PTPN14: variants seen among roughly 807,000 people sequenced by gnomAD.
PTPN14 encodes protein tyrosine phosphatase non-receptor type 14, also known as tyrosine-protein phosphatase non-receptor type 14.
PTPN14 carries 53 observed loss-of-function variants against 126.8 expected under a neutral mutation model. The ratio of observed to expected loss-of-function variants is 0.42; its 90% CI spans 0.34 to 0.53. The LOEUF is 0.53. Among genes scored for constraint, PTPN14 ranks in the 20% least tolerant of loss-of-function variants. The pLI is 0.08. For synonymous variants in PTPN14, 630 were observed against 599.3 expected (o/e 1.05, Z -0.75); for missense variants, 1,257 against 1,552.9 (o/e 0.81, Z 3.20).
At chr1:214,480,175 T>C (rs991915639) in intron 1 of PTPN14, among the ~76,000 whole-genome samples, 1 of 152,236 alleles carries the variant, frequency 6.6e-6, no homozygotes, top group Non-Finnish European at 1.5e-5. Flanking sequence ...TTCAAGACTG[T>C]TATTGAGTCA....
At chr1:214,421,603 G>A (rs1030884667) in intron 3 of PTPN14, among the ~76,000 whole-genome samples, 1 of 152,016 alleles carries the variant, frequency 6.6e-6, no homozygotes, top group Admixed American at 6.5e-5. Context: ...AAAAAAATCA[G>A]AACAAAACAC....
intron 3 of PTPN14, among the ~76,000 whole-genome samples, chr1:214,437,010 ATTT>A (rs10582793): frequency 1.8e-3 from 264 of 147,560 alleles, no homozygotes; most frequent in Middle Eastern, 7.0e-3. Flanking sequence ...GCCTCTCTGT[ATTT>A]TTTTTTTTTT....
chr1:214,376,180 C>T (rs374394718), intron 15 of PTPN14, 39 bp downstream of exon 15: 1 of 1,573,548 alleles, frequency 6.4e-7, no homozygotes, highest in Non-Finnish European at 8.7e-7. Context: ...TTTAACCCAG[C>T]CATCTTTACC....
chr1:214,435,466 G>A (rs1465800703), intron 3 of PTPN14, among the ~76,000 whole-genome samples: 1 of 151,956 alleles, frequency 6.6e-6, no homozygotes, highest in African/African-American at 2.4e-5. Flanking sequence ...CTGCTTTAGA[G>A]TATAATGGTT....
At chr1:214,477,132 A>C (rs2102670285) in intron 1 of PTPN14, among the ~76,000 whole-genome samples, 1 of 152,324 alleles carries the variant, frequency 6.6e-6, no homozygotes, top group African/African-American at 2.4e-5. Flanking sequence ...CACTCCAGTG[A>C]ATCAGTACAA....
rs913616852 is a variant in PTPN14 at position 214,354,004 on chromosome 1, C to G, written c.*3918G>C. 1 of 152,154 alleles carries G rather than the reference C, an allele frequency of 6.6e-6. No individual in the cohort carries two copies. The highest frequency in any genetic ancestry group is 1.5e-5 in the Non-Finnish European group (1 of 68,054). The allele number at this position is 152,154 out of a possible 1,614,324, so 9.4% of individuals were successfully genotyped here. On this transcript the variant is annotated 3_prime_UTR_variant, in exon 19 of 19. Coordinates refer to ENST00000366956, the MANE Select transcript of PTPN14 (RefSeq NM_005401.5). ...AAAAATAATCAGCTGGATGAAAAGG[C>G]CAGCCTGCTGTACCCACTGGAGTTT...
chr1:214,411,637 T>C, intron 5 of PTPN14, 47 bp downstream of exon 5: 1 of 1,333,130 alleles, frequency 7.5e-7, no homozygotes, highest in South Asian at 1.3e-5. Context: ...GAACTAAATG[T>C]CCAAAGAAGG....
At chr1:214,492,562 T>C (rs1467843854) in intron 1 of PTPN14, among the ~76,000 whole-genome samples, 2 of 152,194 alleles carry the variant, frequency 1.3e-5, no homozygotes, top group Admixed American at 6.5e-5. Flanking sequence ...AGTGTAACAA[T>C]GGTATCATCA....
chr1:214,426,070 G>C (rs758084374), intron 3 of PTPN14, among the ~76,000 whole-genome samples: 3 of 106,942 alleles, frequency 2.8e-5, no homozygotes, highest in Non-Finnish European at 6.0e-5. Flanking sequence ...GAAGGAAGAA[G>C]AGAAAAAAAC....
At chr1:214,496,258 A>G (rs1654506458) in intron 1 of PTPN14, among the ~76,000 whole-genome samples, 1 of 152,174 alleles carries the variant, frequency 6.6e-6, no homozygotes, top group Non-Finnish European at 1.5e-5. Flanking sequence ...GAAATGTGGA[A>G]TAATAGTGTG....
intron 1 of PTPN14, among the ~76,000 whole-genome samples, chr1:214,482,574 G>C (rs1475723166): frequency 3.7e-5 from 1 of 27,114 alleles, no homozygotes; most frequent in Non-Finnish European, 7.1e-5. Context: ...ATGCAGTTTA[G>C]AAAAGAAAAA....
At chr1:214,385,597 C>T (rs1658589782) in intron 12 of PTPN14, among the ~76,000 whole-genome samples, 1 of 151,270 alleles carries the variant, frequency 6.6e-6, no homozygotes, top group African/African-American at 2.4e-5. Context: ...CTCTTACACA[C>T]ACACACACCC....
intron 3 of PTPN14, among the ~76,000 whole-genome samples, chr1:214,438,767 G>A (rs1174211124): frequency 6.6e-6 from 1 of 152,136 alleles, no homozygotes; most frequent in African/African-American, 2.4e-5. Context: ...AGAATCTTCT[G>A]CCAGGTGACT....
intron 2 of PTPN14, among the ~76,000 whole-genome samples, chr1:214,452,849 A>G (rs1016188335): frequency 1.3e-5 from 2 of 152,350 alleles, no homozygotes; most frequent in East Asian, 3.9e-4. Context: ...TATCTCAATT[A>G]TAGCCTAGAA....
At chr1:214,515,194 T>C (rs2102449356) in intron 1 of PTPN14, among the ~76,000 whole-genome samples, 1 of 152,284 alleles carries the variant, frequency 6.6e-6, no homozygotes, top group African/African-American at 2.4e-5. Context: ...TTTCAGTGAT[T>C]AAAGACAATG....
At chr1:214,361,805 A>G (rs1657961158) in intron 18 of PTPN14, among the ~76,000 whole-genome samples, 1 of 152,196 alleles carries the variant, frequency 6.6e-6, no homozygotes, top group Non-Finnish European at 1.5e-5. Flanking sequence ...GACCAAAAGC[A>G]CTGGGCCACA....
chr1:214,470,784 CA>C lies in PTPN14; in HGVS notation c.-154-5828del, dbSNP rs71165975. ...GGGCAATAAGAGTGAAATTCCATCTCAAAAAAAAAAAAAAAAACTGCACTTG... is the reference window on the plus strand; with the variant it reads ...GGGCAATAAGAGTGAAATTCCATCTCAAAAAAAAAAAAAAAACTGCACTTG... On this transcript the variant is annotated intron_variant, in intron 1 of 18. Coordinates refer to ENST00000366956, the MANE Select transcript of PTPN14 (RefSeq NM_005401.5). Among the ~76,000 whole-genome samples, 93 of 102,854 alleles carry C rather than the reference CA, an allele frequency of 9.0e-4. 2 individuals carry two copies. Among genetic ancestry groups the C allele is most frequent in the Middle Eastern group, 7.5e-3 (1 of 134 alleles). 67.5% of individuals were successfully genotyped at this position (102,854 alleles called of 152,430 possible). A position where few individuals can be genotyped will look rare whatever the true frequency, so the allele number is the denominator to read the frequency against.
intron 1 of PTPN14, among the ~76,000 whole-genome samples, chr1:214,494,273 TG>T (rs1410805985): frequency 6.6e-6 from 1 of 152,140 alleles, no homozygotes; most frequent in Non-Finnish European, 1.5e-5. Context: ...TTAGCCAGGA[TG>T]GTATCTCTCG....
chr1:214,444,649 A>G (rs143438989), intron 3 of PTPN14, among the ~76,000 whole-genome samples: 1 of 152,302 alleles, frequency 6.6e-6, no homozygotes, highest in Non-Finnish European at 1.5e-5. Flanking sequence ...GGGGAAAAGT[A>G]TTGGTATTTA....
Sources: gnomAD v4.1 joint callset for allele counts (sites outside exome capture counted in the v4.1 genomes callset) on GRCh38, gnomAD v4.1.1 for gene constraint, MANE v1.5 for transcripts, NCBI Gene and HGNC (gene_info 2026-07-23, HGNC 2026-07-21) for gene names.